The following NISCH variants were observed in gnomAD, a reference collection of about 807,000 sequenced individuals.
NISCH encodes I-1 receptor candidate protein.
Under a neutral mutation model 138.4 loss-of-function variants are expected in NISCH, and 55 were observed. The observed-to-expected ratio is 0.40, with a 90% CI of 0.32 to 0.50. NISCH has a LOEUF of 0.50. Ranked by LOEUF, NISCH falls within the 20% of genes least tolerant of loss-of-function variation. NISCH has a pLI of 0.71. For synonymous variants in NISCH, 860 were observed against 861.5 expected (o/e 1.00, Z 0.03); for missense variants, 1,643 against 2,005.5 (o/e 0.82, Z 3.45).
chr3:52,487,810 T>C lies in NISCH; in HGVS notation c.2318T>C (p.Phe773Ser). The change falls in exon 16 of 21, where the codon TTC (phenylalanine) becomes TCC (serine). Residue 773 changes from phenylalanine (F) to serine (S), a missense_variant. Coordinates refer to ENST00000345716, the MANE Select transcript of NISCH (RefSeq NM_007184.4). The surrounding 1 kb of genome is among the most constrained non-coding windows in gnomAD (Gnocchi z 9.1). The part of the protein sequence containing the change: ...FPHGDLTEFG[F>S]LMPELCLVLK... Reference sequence around the variant, plus strand: ...CATGGCGACCTCACCGAGTTTGGCTTCCTCATGCCGGAGCTGTGTCTGGTG... The same window carrying C: ...CATGGCGACCTCACCGAGTTTGGCTCCCTCATGCCGGAGCTGTGTCTGGTG... 2.5e-6 allele frequency: 4 copies of C among 1,613,436 alleles called. No homozygotes were observed. The highest frequency in any genetic ancestry group is 8.5e-7 in the Non-Finnish European group (1 of 1,179,938).
At chr3:52,470,006 C>T (rs1706897083) in intron 3 of NISCH, among the ~76,000 whole-genome samples, 1 of 151,358 alleles carries the variant, frequency 6.6e-6, no homozygotes, top group Non-Finnish European at 1.5e-5. Context: ...ATTACTTGGG[C>T]CCAGGAGTTC....
intron 5 of NISCH, 35 bp downstream of exon 5, chr3:52,472,012 G>A (rs573744326): frequency 3.7e-5 from 57 of 1,541,912 alleles, no homozygotes; most frequent in Middle Eastern, 1.9e-4. Context: ...GGAGAGCCCC[G>A]CAGTCGGTGG....
At chr3:52,481,838 G>T (rs910738532) in intron 13 of NISCH, 4 of 985,374 alleles carry the variant, frequency 4.1e-6, no homozygotes, top group African/African-American at 1.7e-5. Flanking sequence ...TCTGCAGTCT[G>T]TCCCCGCCAT....
At chr3:52,481,755 G>A (rs967857449) in intron 13 of NISCH, 30 of 985,418 alleles carry the variant, frequency 3.0e-5, no homozygotes, top group East Asian at 1.1e-4. Flanking sequence ...CCACATTGTC[G>A]GAGAAGCCTC....
At chr3:52,479,032 G>T (rs189323483) in intron 11 of NISCH, among the ~76,000 whole-genome samples, 4 of 152,206 alleles carry the variant, frequency 2.6e-5, no homozygotes, top group Admixed American at 6.5e-5. Context: ...ATTGGTCCTT[G>T]GACCTTCTGT....
rs756383387 is a variant in NISCH at position 52,492,505 on chromosome 3, G to T, written c.*23G>T. 6 of 1,563,432 alleles carry T rather than the reference G, an allele frequency of 3.8e-6. No individual in the cohort carries two copies. The highest frequency in any genetic ancestry group is 1.4e-5 in the African/African-American group (1 of 73,792). ...TAGCCCAGGCCACAGCCAGCCTGTC[G>T]TGTCCAGCCTGACGCCTACTGGGGC... On this transcript the variant is annotated 3_prime_UTR_variant, in exon 21 of 21. Transcript: ENST00000345716.
chr3:52,472,579 C>T (rs1313836648), intron 6 of NISCH, among the ~76,000 whole-genome samples, 181 bp downstream of exon 6: 1 of 152,182 alleles, frequency 6.6e-6, no homozygotes, highest in East Asian at 1.9e-4. Context: ...CTCTCCTGTC[C>T]CTGGCTGGTC....
Position 52,487,658 on chromosome 3 carries a change from C to T in NISCH, c.2166C>T (p.Ile722=), listed in dbSNP as rs748899129. 1.2e-6 allele frequency: 2 copies of T among 1,613,808 alleles called. No individual in the cohort carries two copies. The highest frequency in any genetic ancestry group is 1.7e-6 in the Non-Finnish European group (2 of 1,180,004). Residue 722 remains isoleucine, a synonymous_variant, in exon 16 of 21, where the codon ATC becomes ATT. Coordinates refer to ENST00000345716, the MANE Select transcript of NISCH (RefSeq NM_007184.4). This position sits in a 1 kb window ranked among gnomAD's most constrained non-coding sequence, Gnocchi z 9.1. ...TCCTGATCCATGTGCAGGGCAGTATCCGCCAGTTCGCCGCCTGCCTTGTGC... is the reference window on the plus strand; with the variant it reads ...TCCTGATCCATGTGCAGGGCAGTATTCGCCAGTTCGCCGCCTGCCTTGTGC... The part of the protein sequence containing the change: ...WCFLIHVQGS[I]RQFAACLVLT...
At chr3:52,475,334 A>G (rs1707070302) in intron 7 of NISCH, among the ~76,000 whole-genome samples, 1 of 152,212 alleles carries the variant, frequency 6.6e-6, no homozygotes, top group African/African-American at 2.4e-5. Context: ...GTGAGAAGAA[A>G]GGTCTTGTCA....
In NISCH at chr3:52,487,998, C is replaced by T. The variant is rs750186372; in HGVS notation, c.2506C>T (p.Arg836Cys). Residue 836 changes from arginine (R) to cysteine (C), a missense_variant, in exon 16 of 21, where the codon CGC becomes TGC. By Grantham distance (180) the Arg-to-Cys change is radical. Transcript: ENST00000345716. This position sits in a 1 kb window ranked among gnomAD's most constrained non-coding sequence, Gnocchi z 9.1. ...GSHTSLQEFL[R>C]QLLTFYKVAG... The stretch of plus-strand genomic sequence containing the variant: ...CCACACCAGCCTGCAGGAGTTCCTG[C>T]GCCAGCTGCTCACCTTCTACAAGGT... The T allele has an allele frequency of 4.8e-5, 77 of 1,612,296 alleles. No individual in the cohort carries two copies. Among genetic ancestry groups the T allele is most frequent in the Non-Finnish European group, 5.4e-5 (64 of 1,179,960 alleles).
At chr3:52,480,377 G>C in intron 13 of NISCH, 82 bp downstream of exon 13, 2 of 1,580,494 alleles carry the variant, frequency 1.3e-6, no homozygotes, top group Non-Finnish European at 1.7e-6. Context: ...TGGGGGAGAG[G>C]TGCCAGCACC....
rs761231134 is a variant in NISCH, at chr3:52,478,493, C to T, written c.1218C>T (p.His406=). 9 of 1,614,188 alleles carry T rather than the reference C, an allele frequency of 5.6e-6. No homozygotes were observed. The highest frequency in any genetic ancestry group is 7.6e-6 in the Non-Finnish European group (9 of 1,180,022). The stretch of plus-strand genomic sequence containing the variant: ...TAGGCAGCCTCCCGTGTCTGGAGCA[C>T]GTGTCTCTGCTGAACAACCCTCTGA... The part of the protein sequence containing the change: ...RSIGSLPCLE[H]VSLLNNPLSI... The change falls in exon 11 of 21, where the codon CAC becomes CAT. Residue 406 remains histidine (H), a synonymous_variant. Coordinates refer to ENST00000345716, the MANE Select transcript of NISCH (RefSeq NM_007184.4).
chr3:52,473,115 T>C (rs2153231140), intron 6 of NISCH, among the ~76,000 whole-genome samples: 1 of 152,330 alleles, frequency 6.6e-6, no homozygotes, highest in East Asian at 1.9e-4. Flanking sequence ...TGAATTCAGC[T>C]GAGACTGCCT....
intron 3 of NISCH, among the ~76,000 whole-genome samples, chr3:52,469,734 G>A (rs1373203133): frequency 6.6e-6 from 1 of 152,106 alleles, no homozygotes. Flanking sequence ...GGCCAACATG[G>A]TGAAACCCTG....
rs199911636 is a variant in NISCH, at chr3:52,480,326, A to T, written c.1528+31A>T. The T allele has an allele frequency of 6.2e-6, 10 of 1,612,502 alleles. No homozygotes were observed. The East Asian group carries it at 2.2e-4, about 36-fold the overall frequency. ...CGTGTATGTATCTTGCTTCTAGTGGAGCCACACAGCCCTGCCTGGGCCCCC... is the reference window on the plus strand; with the variant it reads ...CGTGTATGTATCTTGCTTCTAGTGGTGCCACACAGCCCTGCCTGGGCCCCC... On this transcript the variant is annotated intron_variant, in intron 13 of 20. Coordinates refer to ENST00000345716, the MANE Select transcript of NISCH (RefSeq NM_007184.4).
chr3:52,458,935 T>C, intron 3 of NISCH, 91 bp downstream of exon 3: 1 of 1,174,036 alleles, frequency 8.5e-7, no homozygotes, highest in Non-Finnish European at 1.2e-6. Context: ...AGCTTTGAGG[T>C]GGGCTGGGGT....
chr3:52,463,953 C>T (rs1706708955), intron 3 of NISCH, among the ~76,000 whole-genome samples: 1 of 151,254 alleles, frequency 6.6e-6, no homozygotes, highest in Non-Finnish European at 1.5e-5. Flanking sequence ...TCTCGAACTT[C>T]TGGCCTCAAG....
At position 52,489,547 on chromosome 3, in the gene NISCH, G is replaced by A; in HGVS notation, c.3325G>A (p.Glu1109Lys). 1 of 1,613,238 alleles carries A rather than the reference G, an allele frequency of 6.2e-7. No individual in the cohort carries two copies. Among genetic ancestry groups the A allele is most frequent in the Non-Finnish European group, 8.5e-7 (1 of 1,180,002 alleles). ...PAEAPAQYPSEHLIQATSEEN... is the reference protein window; with the variant it reads ...PAEAPAQYPSKHLIQATSEEN... ...CGAGGCCCCTGCCCAGTACCCGAGTGAGCACCTCATCCAGGCCACCTCGGA... is the reference window on the plus strand; with the variant it reads ...CGAGGCCCCTGCCCAGTACCCGAGTAAGCACCTCATCCAGGCCACCTCGGA... Residue 1109 changes from glutamate to lysine, a missense_variant, in exon 17 of 21, where the codon GAG becomes AAG. Coordinates refer to ENST00000345716, the MANE Select transcript of NISCH (RefSeq NM_007184.4).
rs1314074733 is a variant in NISCH at position 52,490,227 on chromosome 3, G to T, written c.3609G>T (p.Leu1203=). The T allele has an allele frequency of 6.2e-7, 1 of 1,612,258 alleles. No homozygotes were observed. ...DGLRRYFSEP[L]QDFWHQKNTD... Reference sequence around the variant, plus strand: ...TCCGCCGCTACTTCTCAGAGCCACTGCAGGGTAGGCACAGGGCCTGCTGGG... The same window carrying T: ...TCCGCCGCTACTTCTCAGAGCCACTTCAGGGTAGGCACAGGGCCTGCTGGG... The change falls in exon 18 of 21, where the codon CTG becomes CTT. Residue 1203 remains leucine, a synonymous_variant. Transcript: ENST00000345716.
Sources: allele counts gnomAD v4.1 joint callset (sites outside exome capture counted in the v4.1 genomes callset), GRCh38; gene constraint gnomAD v4.1.1; non-coding constraint Gnocchi (gnomAD v3.1); transcripts MANE v1.5; gene names NCBI Gene and HGNC (gene_info 2026-07-23, HGNC 2026-07-21).